Variants in BRSK1 observed in about 807,000 individuals in gnomAD.
BRSK1 encodes the protein serine/threonine-protein kinase BRSK1.
BRSK1 carries 17 observed loss-of-function variants against 86.2 expected under a neutral mutation model. The observed-to-expected ratio is 0.20, with a 90% CI of 0.14 to 0.30. The LOEUF (loss-of-function observed/expected upper bound fraction) is 0.30, where lower values mean the gene tolerates loss of function less well. Among genes scored for constraint, BRSK1 ranks in the 10% least tolerant of loss-of-function variants. BRSK1 has a pLI of 1.00. For synonymous variants in BRSK1, 464 were observed against 440.1 expected (o/e 1.05, Z -0.68); for missense variants, 719 against 1,071.9 (o/e 0.67, Z 4.60).
In BRSK1 at chr19:55,302,584, A is replaced by T. The variant is rs2088588163; in HGVS notation, c.858-113A>T. 2 of 1,373,892 alleles carry T rather than the reference A, an allele frequency of 1.5e-6. No homozygotes were observed. Among genetic ancestry groups the T allele is most frequent in the African/African-American group, 1.5e-5 (1 of 68,800 alleles). 85.1% of individuals were successfully genotyped at this position (1,373,892 alleles called of 1,614,324 possible). A position where few individuals can be genotyped will look rare whatever the true frequency, so the allele number is the denominator to read the frequency against. ...GCGTCTGGATTCCTGGGTATGAGAG[A>T]GAAGGGGCCGGGGCCTAGACTCGGA... On this transcript the variant is annotated intron_variant, in intron 9 of 18. Transcript: ENST00000309383. The surrounding 1 kb of genome is among the most constrained non-coding windows in gnomAD (Gnocchi z 6.3).
intron 1 of BRSK1, among the ~76,000 whole-genome samples, chr19:55,285,207 G>A (rs2088292437): frequency 6.6e-6 from 1 of 150,432 alleles, no homozygotes; most frequent in African/African-American, 2.4e-5. Context: ...TCCTGGGTCT[G>A]AGGGAGGAGG....
intron 16 of BRSK1, 128 bp downstream of exon 16, chr19:55,305,714 C>T: frequency 2.1e-6 from 3 of 1,423,494 alleles, no homozygotes; most frequent in Non-Finnish European, 2.9e-6. Context: ...AGTTTTATGG[C>T]CAGAGTTGGT....
rs1373101272 is a variant in BRSK1, at chr19:55,287,472, G to A, written c.317+173G>A. On this transcript the variant is annotated intron_variant, in intron 3 of 18. Transcript: ENST00000309383. The surrounding 1 kb of genome is among the most constrained non-coding windows in gnomAD (Gnocchi z 5.3). Reference sequence around the variant, plus strand: ...CACAGGGAAGCCCCTGACACACAGGGAACCCCACTGTTGTCACGCTGTGTT... The same window carrying A: ...CACAGGGAAGCCCCTGACACACAGGAAACCCCACTGTTGTCACGCTGTGTT... Among the ~76,000 whole-genome samples the A allele has an allele frequency of 1.3e-5, 2 of 152,166 alleles. No homozygotes were observed. Among genetic ancestry groups the A allele is most frequent in the Admixed American group, 6.5e-5 (1 of 15,284 alleles).
intron 7 of BRSK1, among the ~76,000 whole-genome samples, chr19:55,298,899 T>C (rs946567411): frequency 2.0e-5 from 3 of 152,232 alleles, no homozygotes; most frequent in Non-Finnish European, 4.4e-5. Context: ...CTTGTAGTGC[T>C]GCTGGCCATG....
intron 4 of BRSK1, among the ~76,000 whole-genome samples, chr19:55,291,293 C>T (rs2088402168): frequency 6.6e-6 from 1 of 151,926 alleles, no homozygotes; most frequent in Non-Finnish European, 1.5e-5. Flanking sequence ...AATCCCAGCA[C>T]TTTGGGAGGC....
rs773559410 is a variant in BRSK1 at position 55,305,380 on chromosome 19, C to G, written c.1766+11C>G. On this transcript the variant is annotated intron_variant, in intron 15 of 18. Transcript: ENST00000309383. ...AGAGTCCTCCCCGGAGTGAGTCTCA[C>G]AGGGAAGGAAAGAGTGGGGATGCAG... is the stretch of plus-strand genomic sequence containing the variant. The G allele has an allele frequency of 1.9e-6, 3 of 1,614,194 alleles. No homozygotes were observed. The highest frequency in any genetic ancestry group is 1.1e-5 in the South Asian group (1 of 91,086).
chr19:55,290,454 A>G (rs2088386839), intron 4 of BRSK1, among the ~76,000 whole-genome samples: 1 of 152,152 alleles, frequency 6.6e-6, no homozygotes, highest in Non-Finnish European at 1.5e-5. Context: ...CAAGGGGGAA[A>G]ATTTAACAAA....
rs574312247 is a variant in BRSK1, at chr19:55,306,196, G to C, written c.1891-56G>C. 3.2e-6 allele frequency: 5 copies of C among 1,579,878 alleles called. No homozygotes were observed. Among genetic ancestry groups the C allele is most frequent in the African/African-American group, 1.3e-5 (1 of 74,294 alleles). On this transcript the variant is annotated intron_variant, in intron 16 of 18. Transcript: ENST00000309383. The surrounding 1 kb of genome is among the most constrained non-coding windows in gnomAD (Gnocchi z 4.7). ...TAGTTCCTTGGCCAGAGCTGGTCGT[G>C]GGGCTGGGTATCCATTTCCTGGGCT...
chr19:55,288,116 G>A (rs2088347205), intron 3 of BRSK1: 1 of 152,234 alleles, frequency 6.6e-6, no homozygotes, highest in Non-Finnish European at 1.5e-5. Context: ...TCCACTCTTG[G>A]CGTAGGGAGG....
chr19:55,305,446 C>T lies in BRSK1; in HGVS notation c.1767-17C>T. On this transcript the variant is annotated splice_polypyrimidine_tract_variant and intron_variant, in intron 15 of 18. Coordinates refer to ENST00000309383, the MANE Select transcript of BRSK1 (RefSeq NM_032430.2). Reference sequence around the variant, plus strand: ...GGCGCCTTCCTAACCCTCCTCCAACCACCCCCTCCCACTCAGGCTGGCAAA... The same window carrying T: ...GGCGCCTTCCTAACCCTCCTCCAACTACCCCCTCCCACTCAGGCTGGCAAA... 6.2e-7 allele frequency: 1 copy of T among 1,614,134 alleles called. No individual in the cohort carries two copies. Among genetic ancestry groups the T allele is most frequent in the Non-Finnish European group, 8.5e-7 (1 of 1,179,986 alleles).
chr19:55,293,939 C>A, intron 4 of BRSK1, 78 bp from the exon 5 acceptor site: 1 of 1,242,440 alleles, frequency 8.0e-7, no homozygotes, highest in South Asian at 1.4e-5. Context: ...CAGAAGTGTT[C>A]CACTGTGAGA....
At chr19:55,286,077 TG>T (rs1162002039) in intron 1 of BRSK1, among the ~76,000 whole-genome samples, 24 of 18,876 alleles carry the variant, frequency 1.3e-3, no homozygotes, top group East Asian at 3.6e-3. Context: ...GAGGAGGGGC[TG>T]GGGGCCTGGA....
At chr19:55,291,827 C>T (rs372378464) in intron 4 of BRSK1, among the ~76,000 whole-genome samples, 1 of 152,200 alleles carries the variant, frequency 6.6e-6, no homozygotes, top group Non-Finnish European at 1.5e-5. Flanking sequence ...GGCACGATCT[C>T]AGCTCACTGC....
At chr19:55,301,713 C>T in intron 8 of BRSK1, 55 bp downstream of exon 8, 6 of 1,576,138 alleles carry the variant, frequency 3.8e-6, no homozygotes, top group Non-Finnish European at 5.2e-6. Context: ...GAAGACAGAA[C>T]CCCCTAGAAA....
chr19:55,309,058 G>C (rs2088722665), intron 18 of BRSK1, among the ~76,000 whole-genome samples: 1 of 152,042 alleles, frequency 6.6e-6, no homozygotes, highest in African/African-American at 2.4e-5. Context: ...TCTGTGTTGG[G>C]GGTCAGGGAA....
In BRSK1 at chr19:55,304,564, C is replaced by T. The variant is rs1832479804; in HGVS notation, c.1361C>T (p.Ser454Phe). The T allele has an allele frequency of 1.3e-6, 2 of 1,585,318 alleles. No individual in the cohort carries two copies. Among genetic ancestry groups the T allele is most frequent in the Non-Finnish European group, 1.7e-6 (2 of 1,168,204 alleles). The change falls in exon 14 of 19, where the codon TCC becomes TTC. Residue 454 changes from serine to phenylalanine, a missense_variant. Coordinates refer to ENST00000309383, the MANE Select transcript of BRSK1 (RefSeq NM_032430.2). This position sits in a 1 kb window ranked among gnomAD's most constrained non-coding sequence, Gnocchi z 5.2. Reference sequence around the variant, plus strand: ...TGTCCTCTGCAGAGTCCGGTCTTTTCCTTTTCACCGGAGCCGGGGGCTGGA... The same window carrying T: ...TGTCCTCTGCAGAGTCCGGTCTTTTTCTTTTCACCGGAGCCGGGGGCTGGA... ...PLSSPRSPVF[S>F]FSPEPGAGDE...
At chr19:55,296,817 C>T (rs2088495779) in intron 7 of BRSK1, among the ~76,000 whole-genome samples, 1 of 151,848 alleles carries the variant, frequency 6.6e-6, no homozygotes, top group East Asian at 2.0e-4. Context: ...CACTGCACTC[C>T]AGCCTGGGCG....
At position 55,301,833 on chromosome 19, in the gene BRSK1, G is replaced by A. The variant is rs555657390; in HGVS notation, c.825+175G>A. On this transcript the variant is annotated intron_variant, in intron 8 of 18. Coordinates refer to ENST00000309383, the MANE Select transcript of BRSK1 (RefSeq NM_032430.2). ...CACAGCTGCCGCTCCAAACTGGGGA[G>A]GGGGCTACGCAAGATTGGGGCGGGG... 2.7e-3 allele frequency among the ~76,000 whole-genome samples: 416 copies of A among 151,766 alleles called. 3 individuals carry two copies. Among genetic ancestry groups the A allele is most frequent in the African/African-American group, 8.3e-3 (346 of 41,556 alleles).
chr19:55,303,280 C>T lies in BRSK1; in HGVS notation c.1029-31C>T, dbSNP rs1463111780. The T allele has an allele frequency of 6.4e-7, 1 of 1,567,146 alleles. No individual in the cohort carries two copies. The highest frequency in any genetic ancestry group is 8.8e-7 in the Non-Finnish European group (1 of 1,137,896). The stretch of plus-strand genomic sequence containing the variant: ...ATGTTGGACCTCAGCCCTCTGCTAC[C>T]TCTTTCCACCTTTCCCACCCCCTGC... On this transcript the variant is annotated intron_variant, in intron 10 of 18. Coordinates refer to ENST00000309383, the MANE Select transcript of BRSK1 (RefSeq NM_032430.2). This position sits in a 1 kb window ranked among gnomAD's most constrained non-coding sequence, Gnocchi z 5.1.
Sources: allele counts gnomAD v4.1 joint callset (sites outside exome capture counted in the v4.1 genomes callset), GRCh38; gene constraint gnomAD v4.1.1; non-coding constraint Gnocchi (gnomAD v3.1); transcripts MANE v1.5; gene names NCBI Gene and HGNC (gene_info 2026-07-23, HGNC 2026-07-21).